The following IL1RAPL2 variants were observed in gnomAD, a reference collection of about 807,000 sequenced individuals.
IL1RAPL2 encodes the protein interleukin 1 receptor accessory protein like 2.
IL1RAPL2 carries 3 observed loss-of-function variants against 44.1 expected under a neutral mutation model. The observed-to-expected ratio is 0.07, with a 90% CI of 0.03 to 0.18. IL1RAPL2 has a LOEUF of 0.18. Ranked by LOEUF, IL1RAPL2 falls within the 10% of genes least tolerant of loss-of-function variation. The pLI, the probability that IL1RAPL2 is intolerant of heterozygous loss-of-function variation, is 1.00. For missense variants in IL1RAPL2, 391 were observed against 496.4 expected (o/e 0.79, Z 2.02); for synonymous variants, 181 against 178.8 (o/e 1.01, Z -0.10).
chrX:105,252,455 A>C (rs1349048331), intron 4 of IL1RAPL2, among the ~76,000 whole-genome samples: 2 of 111,675 alleles, frequency 1.8e-5, no homozygotes, highest in Non-Finnish European at 3.8e-5. Flanking sequence ...GTAATCTTTT[A>C]ACAGGCATGC....
chrX:105,551,681 C>T (rs1246407080), intron 6 of IL1RAPL2, among the ~76,000 whole-genome samples: 2 of 112,146 alleles, frequency 1.8e-5, no homozygotes, highest in Non-Finnish European at 3.8e-5. Context: ...AAAATGACCA[C>T]AATGCAGCAA....
intron 2 of IL1RAPL2, among the ~76,000 whole-genome samples, chrX:104,757,449 G>T (rs1018732874): frequency 1.1e-4 from 12 of 111,496 alleles, no homozygotes; most frequent in African/African-American, 3.9e-4. Context: ...CTGGATTCAA[G>T]GGAGACATTC....
intron 2 of IL1RAPL2, among the ~76,000 whole-genome samples, chrX:104,724,041 G>A (rs374347870): frequency 9.0e-6 from 1 of 111,537 alleles, no homozygotes; most frequent in African/African-American, 3.2e-5. Context: ...GGAGATAATT[G>A]AAAATTAATG....
intron 6 of IL1RAPL2, among the ~76,000 whole-genome samples, chrX:105,692,279 A>G (rs2038041511): frequency 8.9e-6 from 1 of 111,955 alleles, no homozygotes; most frequent in African/African-American, 3.2e-5. Flanking sequence ...CACTAATATT[A>G]TCTCCATGTT....
At chrX:104,909,056 T>G (rs1170308734) in intron 2 of IL1RAPL2, among the ~76,000 whole-genome samples, 1 of 111,000 alleles carries the variant, frequency 9.0e-6, no homozygotes, top group African/African-American at 3.3e-5. Context: ...TTTATTCTTT[T>G]TTCTCTAAAC....
At chrX:105,681,087 A>G (rs1032364005) in intron 6 of IL1RAPL2, among the ~76,000 whole-genome samples, 3 of 111,751 alleles carry the variant, frequency 2.7e-5, no homozygotes, top group Non-Finnish European at 3.8e-5. Context: ...CTTCCTCAGT[A>G]TGATACACGA....
chrX:104,843,738 T>C (rs896234101), intron 2 of IL1RAPL2, among the ~76,000 whole-genome samples: 12 of 109,045 alleles, frequency 1.1e-4, no homozygotes, highest in African/African-American at 3.3e-4. Flanking sequence ...GCCTAACCAG[T>C]CCCATTGAGA....
At chrX:104,612,025 A>G (rs1223722001) in intron 1 of IL1RAPL2, among the ~76,000 whole-genome samples, 1 of 109,884 alleles carries the variant, frequency 9.1e-6, no homozygotes, top group Non-Finnish European at 1.9e-5. Flanking sequence ...CCCAGTTTTT[A>G]ATGAGGTTGT....
chrX:105,254,346 GTCT>G (rs1452675907), intron 4 of IL1RAPL2, among the ~76,000 whole-genome samples: 1 of 112,004 alleles, frequency 8.9e-6, no homozygotes, highest in Non-Finnish European at 1.9e-5. Flanking sequence ...CCACATGTAT[GTCT>G]TCTTTTGAAA....
chrX:105,733,262 G>A, intron 7 of IL1RAPL2, among the ~76,000 whole-genome samples: 1 of 111,423 alleles, frequency 9.0e-6, no homozygotes, highest in East Asian at 2.8e-4. Flanking sequence ...CTATAGGTGT[G>A]GTGGGTATTT....
At chrX:104,658,778 C>T (rs1199056362) in intron 1 of IL1RAPL2, 117 bp from the exon 2 acceptor site, 2 of 489,322 alleles carry the variant, frequency 4.1e-6, no homozygotes, top group African/African-American at 4.9e-5. Context: ...AGCCAGAAGA[C>T]CCCAGATTGT....
intron 2 of IL1RAPL2, among the ~76,000 whole-genome samples, chrX:104,899,920 CA>C (rs757749928): frequency 2.5e-4 from 28 of 112,446 alleles, no homozygotes; most frequent in African/African-American, 7.4e-4. Flanking sequence ...TATGTAATGA[CA>C]CCTTGCTTCT....
chrX:105,261,243 A>G (rs1261288325), intron 4 of IL1RAPL2, among the ~76,000 whole-genome samples: 1 of 111,907 alleles, frequency 8.9e-6, no homozygotes, highest in Non-Finnish European at 1.9e-5. Flanking sequence ...TCCTGGCTCC[A>G]TGTTGCTTCC....
intron 2 of IL1RAPL2, among the ~76,000 whole-genome samples, chrX:104,720,170 G>T (rs757582565): frequency 9.0e-6 from 1 of 111,221 alleles, no homozygotes; most frequent in Admixed American, 9.6e-5. Flanking sequence ...ATGCATCAGA[G>T]TTGAAGAATG....
At chrX:105,576,180 T>G (rs762799370) in intron 6 of IL1RAPL2, among the ~76,000 whole-genome samples, 1 of 111,689 alleles carries the variant, frequency 9.0e-6, no homozygotes, top group Non-Finnish European at 1.9e-5. Flanking sequence ...CATTGTCAGT[T>G]TTTGCTTTTG....
rs1160863707 is a variant in IL1RAPL2, at chrX:104,631,365, G to A, written c.-19-27530G>A. Among the ~76,000 whole-genome samples, 9 of 111,767 alleles carry A rather than the reference G, an allele frequency of 8.1e-5. No individual in the cohort carries two copies. The Admixed American group carries it at 8.6e-4, about 11-fold the overall frequency. Reference sequence around the variant, plus strand: ...TTGGGTATATACCCAGTAATGGGATGGCTGGGTCAAATGATATTTCTAGTT... The same window carrying A: ...TTGGGTATATACCCAGTAATGGGATAGCTGGGTCAAATGATATTTCTAGTT... On this transcript the variant is annotated intron_variant, in intron 1 of 10. Transcript: ENST00000372582.
intron 2 of IL1RAPL2, among the ~76,000 whole-genome samples, chrX:104,949,311 T>C (rs1925496753): frequency 9.0e-6 from 1 of 111,578 alleles, no homozygotes; most frequent in South Asian, 3.8e-4. Flanking sequence ...TTCTCTCTCT[T>C]TTTCTTTATT....
intron 5 of IL1RAPL2, among the ~76,000 whole-genome samples, chrX:105,439,517 C>CAAAAAAA (rs11337790): frequency 1.0e-4 from 6 of 59,107 alleles, no homozygotes; most frequent in African/African-American, 3.7e-4. Flanking sequence ...TTTTGCTGTA[C>CAAAAAAA]AAAAAAAAAA....
intron 5 of IL1RAPL2, among the ~76,000 whole-genome samples, chrX:105,386,433 A>G (rs1232732673): frequency 1.8e-5 from 2 of 111,180 alleles, no homozygotes; most frequent in Non-Finnish European, 3.8e-5. Flanking sequence ...GTGTGCTATG[A>G]TGTATTTTTG....
Sources: gnomAD v4.1 joint callset for allele counts (sites outside exome capture counted in the v4.1 genomes callset) on GRCh38, gnomAD v4.1.1 for gene constraint, MANE v1.5 for transcripts, NCBI Gene and HGNC (gene_info 2026-07-23, HGNC 2026-07-21) for gene names.